The following SLC12A2 variants were observed in gnomAD, a reference collection of about 807,000 sequenced individuals.
The protein encoded by SLC12A2 is solute carrier family 12 member 2.
Under a neutral mutation model 136.3 loss-of-function variants are expected in SLC12A2, and 67 were observed. The ratio of observed to expected loss-of-function variants is 0.49; its 90% confidence interval spans 0.40 to 0.60. SLC12A2 has a LOEUF of 0.60. Among genes scored for constraint, SLC12A2 ranks in the 20% least tolerant of loss-of-function variants. The probability of loss-of-function intolerance (pLI) is 0.00; values close to 1 mark genes in which losing one functional copy is unlikely to be tolerated. For missense variants in SLC12A2, 1,322 were observed against 1,534.7 expected (o/e 0.86, Z 2.32); for synonymous variants, 619 against 562.9 (o/e 1.10, Z -1.41).
chr5:128,178,936 A>G (rs564618072), intron 22 of SLC12A2, among the ~76,000 whole-genome samples: 1 of 152,166 alleles, frequency 6.6e-6, no homozygotes, highest in African/African-American at 2.4e-5. Flanking sequence ...AATATGAACC[A>G]TTTTGTTGAC....
intron 25 of SLC12A2, 143 bp downstream of exon 25, chr5:128,184,644 T>G: frequency 7.0e-7 from 1 of 1,428,564 alleles, no homozygotes; most frequent in Non-Finnish European, 9.5e-7. Flanking sequence ...TGGAAAGCAT[T>G]TTTAAAAAAA....
chr5:128,157,908 G>C, intron 15 of SLC12A2, 145 bp from the exon 16 acceptor site: 1 of 604,518 alleles, frequency 1.7e-6, no homozygotes, highest in Non-Finnish European at 2.8e-6. Context: ...AAGAAGTCCT[G>C]GTTAAAAATA....
At chr5:128,180,153 G>A (rs1309704573) in intron 22 of SLC12A2, among the ~76,000 whole-genome samples, 1 of 151,148 alleles carries the variant, frequency 6.6e-6, no homozygotes, top group Non-Finnish European at 1.5e-5. Flanking sequence ...AGTATTTTTA[G>A]TAGAGATGGG....
chr5:128,096,917 G>T (rs1245602350), intron 1 of SLC12A2, among the ~76,000 whole-genome samples: 1 of 151,964 alleles, frequency 6.6e-6, no homozygotes, highest in African/African-American at 2.4e-5. Context: ...TCAGAAAATA[G>T]CAGTCTGTAA....
chr5:128,161,618 T>C, intron 16 of SLC12A2, 42 bp from the exon 17 acceptor site: 2 of 1,236,608 alleles, frequency 1.6e-6, no homozygotes, highest in African/African-American at 1.6e-5. Flanking sequence ...GTGAAGTTGC[T>C]TACCTTTTAA....
intron 4 of SLC12A2, among the ~76,000 whole-genome samples, chr5:128,126,966 A>ATATATATATAATT: frequency 4.7e-5 from 1 of 21,156 alleles, no homozygotes; most frequent in African/African-American, 2.5e-4. Context: ...ATATATATAT[A>ATATATATATAATT]TTTTTTTTTT....
chr5:128,120,346 A>G (rs1239591938), intron 4 of SLC12A2, among the ~76,000 whole-genome samples: 2 of 142,668 alleles, frequency 1.4e-5, no homozygotes, highest in Non-Finnish European at 3.1e-5. Context: ...TGACCCAGCC[A>G]TCCCATTACT....
intron 15 of SLC12A2, 110 bp from the exon 16 acceptor site, chr5:128,157,943 G>C: frequency 1.3e-6 from 1 of 767,402 alleles, no homozygotes; most frequent in Non-Finnish European, 2.1e-6. Context: ...CCTGTGGCCT[G>C]TGTCTTAAGG....
intron 1 of SLC12A2, among the ~76,000 whole-genome samples, chr5:128,089,610 T>C (rs904586457): frequency 1.3e-5 from 2 of 152,214 alleles, no homozygotes; most frequent in African/African-American, 4.8e-5. Flanking sequence ...ATTATATAAC[T>C]GACAGAAATC....
intron 18 of SLC12A2, chr5:128,169,625 GCTTT>G (rs1763307454): frequency 6.6e-6 from 1 of 152,070 alleles, no homozygotes; most frequent in Non-Finnish European, 1.5e-5. Flanking sequence ...CCTCATTGTG[GCTTT>G]CTAATTTTGT....
chr5:128,105,905 C>T (rs1760915798), intron 1 of SLC12A2, among the ~76,000 whole-genome samples: 1 of 152,226 alleles, frequency 6.6e-6, no homozygotes. Context: ...GTTCCAGTCA[C>T]ACATTTTTTA....
intron 1 of SLC12A2, among the ~76,000 whole-genome samples, chr5:128,092,028 C>A (rs1049262917): frequency 1.3e-5 from 2 of 152,034 alleles, no homozygotes; most frequent in East Asian, 3.8e-4. Context: ...TGCAAGGGAG[C>A]GTAGGTGGTT....
chr5:128,158,074 A>G lies in SLC12A2; in HGVS notation c.2385A>G (p.Thr795=). The part of the protein sequence containing the change: ...KNFRPQCLVM[T]GAPNSRPALL... ...TTAGGCCACAGTGTCTTGTTATGAC[A>G]GGTGCTCCAAACTCACGTCCAGCTT... Residue 795 remains threonine (T), a synonymous_variant, in exon 16 of 27, where the codon ACA becomes ACG. Coordinates refer to ENST00000262461, the MANE Select transcript of SLC12A2 (RefSeq NM_001046.3). The G allele has an allele frequency of 6.2e-7, 1 of 1,613,260 alleles. No homozygotes were observed. Among genetic ancestry groups the G allele is most frequent in the Non-Finnish European group, 8.5e-7 (1 of 1,179,636 alleles).
chr5:128,147,876 A>T (rs990610084), intron 11 of SLC12A2, 147 bp downstream of exon 11: 7 of 437,526 alleles, frequency 1.6e-5, no homozygotes, highest in African/African-American at 1.5e-4. Flanking sequence ...AGATATACAT[A>T]GTTAATTTTA....
chr5:128,096,310 G>C (rs1760534832), intron 1 of SLC12A2, among the ~76,000 whole-genome samples: 1 of 152,098 alleles, frequency 6.6e-6, no homozygotes, highest in Non-Finnish European at 1.5e-5. Flanking sequence ...TTCAAATGCT[G>C]TAGGGATATC....
intron 10 of SLC12A2, among the ~76,000 whole-genome samples, chr5:128,146,111 A>G (rs576611057): frequency 2.6e-5 from 4 of 151,754 alleles, no homozygotes; most frequent in Non-Finnish European, 4.4e-5. Flanking sequence ...ATTTTACCCT[A>G]TTTGCTTTGT....
At chr5:128,140,532 C>A (rs2126710534) in intron 9 of SLC12A2, among the ~76,000 whole-genome samples, 1 of 152,266 alleles carries the variant, frequency 6.6e-6, no homozygotes, top group Admixed American at 6.5e-5. Flanking sequence ...CAAATATTTT[C>A]TATTTTTATT....
intron 1 of SLC12A2, among the ~76,000 whole-genome samples, chr5:128,094,349 C>G: frequency 6.6e-6 from 1 of 151,736 alleles, no homozygotes; most frequent in East Asian, 1.9e-4. Context: ...TCTAGATTCT[C>G]TAAAGAATGT....
At chr5:128,151,518 G>A (rs932076922) in intron 14 of SLC12A2, 122 bp downstream of exon 14, 23 of 849,940 alleles carry the variant, frequency 2.7e-5, no homozygotes, top group Non-Finnish European at 3.9e-5. Context: ...AAGCTACTTT[G>A]TATAAAACCT....
Sources: allele counts gnomAD v4.1 joint callset (sites outside exome capture counted in the v4.1 genomes callset), GRCh38; gene constraint gnomAD v4.1.1; transcripts MANE v1.5; gene names NCBI Gene and HGNC (gene_info 2026-07-23, HGNC 2026-07-21).